The following DLG2 variants were observed in gnomAD, a reference collection of about 807,000 sequenced individuals.
DLG2 encodes the protein disks large homolog 2.
DLG2 carries 45 observed loss-of-function variants against 132.5 expected under a neutral mutation model. That is an observed-to-expected ratio of 0.34 (90% CI 0.27 to 0.44). DLG2 has a LOEUF of 0.44. DLG2 is among the 20% of genes least tolerant of loss of function. DLG2 has a pLI of 1.00. For synonymous variants in DLG2, 424 were observed against 419.6 expected, an observed-to-expected ratio of 1.01 and a Z score of -0.13; for missense variants, 1,045 against 1,196.9, an observed-to-expected ratio of 0.87 and a Z score of 1.87.
At chr11:84,416,163 AT>A (rs532195485) in intron 7 of DLG2, among the ~76,000 whole-genome samples, 143 of 151,954 alleles carry the variant, frequency 9.4e-4, no homozygotes, top group African/African-American at 3.4e-3. Flanking sequence ...TATATTCATA[AT>A]TTTTTGTTCT....
chr11:84,387,173 T>C (rs1324732585), intron 7 of DLG2, among the ~76,000 whole-genome samples: 1 of 151,562 alleles, frequency 6.6e-6, no homozygotes, highest in Non-Finnish European at 1.5e-5. Flanking sequence ...AGGCTTCCAG[T>C]AGCTCCCAGG....
chr11:85,414,545 C>A (rs58620969), intron 3 of DLG2, among the ~76,000 whole-genome samples: 1 of 151,824 alleles, frequency 6.6e-6, no homozygotes, highest in Non-Finnish European at 1.5e-5. Context: ...AAGTTTCATG[C>A]GCTGTTGAAT....
intron 17 of DLG2, among the ~76,000 whole-genome samples, chr11:83,826,112 G>A (rs2052698388): frequency 6.6e-6 from 1 of 152,180 alleles, no homozygotes; most frequent in African/African-American, 2.4e-5. Context: ...AAGAGAGCAG[G>A]AAAAGGATAT....
intron 3 of DLG2, among the ~76,000 whole-genome samples, chr11:85,389,618 G>C (rs1228244371): frequency 2.0e-5 from 3 of 152,072 alleles, no homozygotes; most frequent in East Asian, 1.9e-4. Flanking sequence ...AAAATCATCA[G>C]GTAATGTATA....
At chr11:84,732,776 A>G (rs1274973527) in intron 6 of DLG2, among the ~76,000 whole-genome samples, 1 of 151,504 alleles carries the variant, frequency 6.6e-6, no homozygotes, top group African/African-American at 2.4e-5. Context: ...TATATCTCCT[A>G]ATGCTATCCC....
chr11:84,467,989 T>G (rs2099098934), intron 7 of DLG2, among the ~76,000 whole-genome samples: 1 of 151,498 alleles, frequency 6.6e-6, no homozygotes, highest in African/African-American at 2.4e-5. Context: ...TCTTTCAACA[T>G]TCCATTCAGT....
intron 7 of DLG2, among the ~76,000 whole-genome samples, chr11:84,461,460 C>A (rs966957048): frequency 6.6e-6 from 1 of 150,690 alleles, no homozygotes; most frequent in Non-Finnish European, 1.5e-5. Flanking sequence ...AAAATATGTT[C>A]TTTTTAAAAA....
chr11:85,337,452 A>T (rs1308524406), intron 3 of DLG2, among the ~76,000 whole-genome samples: 1 of 152,164 alleles, frequency 6.6e-6, no homozygotes, highest in African/African-American at 2.4e-5. Context: ...GTTTATTAGA[A>T]TTACCTCGGG....
Position 83,621,264 on chromosome 11 carries a change from A to AT in DLG2, c.1940+11946dup, listed in dbSNP as rs553301496. 7.3e-5 allele frequency among the ~76,000 whole-genome samples: 11 copies of AT among 150,494 alleles called. 1 individual carries two copies. Among genetic ancestry groups the AT allele is most frequent in the Admixed American group, 2.7e-4 (4 of 15,082 alleles). ...TTGTCAATTCCCTATCAACGCCATGATTTTTTTTTTCTTAATTGTAATGTT... is the reference window on the plus strand; with the variant it reads ...TTGTCAATTCCCTATCAACGCCATGATTTTTTTTTTTCTTAATTGTAATGTT... On this transcript the variant is annotated intron_variant, in intron 19 of 27. Coordinates refer to ENST00000376104, the MANE Select transcript of DLG2 (RefSeq NM_001142699.3).
intron 5 of DLG2, among the ~76,000 whole-genome samples, chr11:85,133,432 C>T (rs1594712092): frequency 6.6e-6 from 1 of 152,242 alleles, no homozygotes; most frequent in South Asian, 2.1e-4. Context: ...TGTGGTACTG[C>T]ATACATCACA....
At chr11:84,390,193 T>C (rs1365281879) in intron 7 of DLG2, among the ~76,000 whole-genome samples, 1 of 152,166 alleles carries the variant, frequency 6.6e-6, no homozygotes, top group East Asian at 1.9e-4. Context: ...TCTAAGAAGA[T>C]TAAACCTTAA....
chr11:84,979,722 G>A (rs184063245), intron 6 of DLG2, among the ~76,000 whole-genome samples: 132 of 152,066 alleles, frequency 8.7e-4, no homozygotes, highest in African/African-American at 3.1e-3. Context: ...AAGTTAACGG[G>A]TGCAGCACAC....
chr11:83,687,897 C>G (rs1287227778), intron 18 of DLG2, among the ~76,000 whole-genome samples: 1 of 151,834 alleles, frequency 6.6e-6, no homozygotes, highest in Non-Finnish European at 1.5e-5. Flanking sequence ...AGCTACTCAG[C>G]AGGCTGAGGG....
chr11:84,216,857 T>A (rs2096842194), intron 8 of DLG2, among the ~76,000 whole-genome samples: 1 of 152,194 alleles, frequency 6.6e-6, no homozygotes, highest in African/African-American at 2.4e-5. Flanking sequence ...TAGATTATAA[T>A]AAATAAAGTG....
chr11:84,832,505 G>A (rs977334220), intron 6 of DLG2, among the ~76,000 whole-genome samples: 2 of 151,570 alleles, frequency 1.3e-5, no homozygotes, highest in Admixed American at 6.6e-5. Flanking sequence ...GACAAAGCAC[G>A]GAAAAGTGCA....
intron 7 of DLG2, among the ~76,000 whole-genome samples, chr11:84,400,509 T>C (rs1433812845): frequency 3.9e-5 from 6 of 152,208 alleles, no homozygotes; most frequent in Non-Finnish European, 8.8e-5. Flanking sequence ...CTAATTTGTT[T>C]GTCTCTCCAA....
chr11:83,912,107 G>C (rs1175585288), intron 15 of DLG2, among the ~76,000 whole-genome samples: 3 of 151,736 alleles, frequency 2.0e-5, no homozygotes, highest in African/African-American at 7.3e-5. Context: ...GTCATATAAT[G>C]CAGCTATATA....
intron 3 of DLG2, among the ~76,000 whole-genome samples, chr11:85,300,409 G>T (rs894669750): frequency 2.0e-5 from 3 of 152,068 alleles, no homozygotes; most frequent in Non-Finnish European, 2.9e-5. Flanking sequence ...AACTCCTCAG[G>T]GATACAGTAA....
chr11:84,899,396 A>G (rs1407411316), intron 6 of DLG2, among the ~76,000 whole-genome samples: 1 of 152,056 alleles, frequency 6.6e-6, no homozygotes, highest in East Asian at 1.9e-4. Context: ...GCTAGCCCAC[A>G]TGACTAAATT....
Sources: allele counts gnomAD v4.1 joint callset (sites outside exome capture counted in the v4.1 genomes callset), GRCh38; gene constraint gnomAD v4.1.1; transcripts MANE v1.5; gene names NCBI Gene and HGNC (gene_info 2026-07-23, HGNC 2026-07-21).